The following ADAMTS9 variants were observed in gnomAD, a reference collection of about 807,000 sequenced individuals.
ADAMTS9 encodes the protein ADAM metallopeptidase with thrombospondin type 1 motif 9.
A neutral mutation model predicts 257.1 loss-of-function variants in ADAMTS9; 107 were observed. That is an observed-to-expected ratio of 0.42 (90% CI 0.36 to 0.49). The LOEUF is 0.49. Ranked by LOEUF, ADAMTS9 falls within the 20% of genes least tolerant of loss-of-function variation. The pLI is 0.03. For missense variants in ADAMTS9, 2,353 were observed against 2,469.1 expected, an observed-to-expected ratio of 0.95 and a Z score of 1.00; for synonymous variants, 982 against 880.9, an observed-to-expected ratio of 1.11 and a Z score of -2.03.
intron 30 of ADAMTS9, among the ~76,000 whole-genome samples, chr3:64,553,606 T>C (rs906498844): frequency 1.3e-5 from 2 of 152,156 alleles, no homozygotes; most frequent in Non-Finnish European, 2.9e-5. Flanking sequence ...GTGCCTTTCG[T>C]GAGCTACCCT....
chr3:64,608,086 T>A (rs2084590658), intron 22 of ADAMTS9, among the ~76,000 whole-genome samples: 1 of 150,234 alleles, frequency 6.7e-6, no homozygotes. Flanking sequence ...TAAATTAAAA[T>A]GAAAGCAGAA....
chr3:64,648,793 A>G (rs868371406), intron 10 of ADAMTS9, among the ~76,000 whole-genome samples: 5 of 152,190 alleles, frequency 3.3e-5, no homozygotes, highest in Admixed American at 6.5e-5. Context: ...TTCAATTGCT[A>G]TAAAAGGGAG....
At position 64,641,831 on chromosome 3, in the gene ADAMTS9, T is replaced by TAC; in HGVS notation, c.1856+15_1856+16dup. On this transcript the variant is annotated intron_variant, in intron 12 of 39. Coordinates refer to ENST00000498707, the MANE Select transcript of ADAMTS9 (RefSeq NM_182920.2). ...CCTGCCACGGCAGTAATAACAGTTA[T>TAC]ACATTCTAGGACTTACTCTGGTCTG... 6.2e-7 allele frequency: 1 copy of TAC among 1,613,504 alleles called. No individual in the cohort carries two copies. Among genetic ancestry groups the TAC allele is most frequent in the South Asian group, 1.1e-5 (1 of 90,944 alleles).
intron 2 of ADAMTS9, among the ~76,000 whole-genome samples, chr3:64,681,604 G>A (rs1701758134): frequency 6.6e-6 from 1 of 152,090 alleles, no homozygotes; most frequent in Non-Finnish European, 1.5e-5. Context: ...TTTAGAGATA[G>A]GGTCTTGCTC....
intron 10 of ADAMTS9, 149 bp from the exon 11 acceptor site, chr3:64,648,193 A>G (rs1393216923): frequency 1.4e-6 from 1 of 706,884 alleles, no homozygotes; most frequent in Non-Finnish European, 2.3e-6. Flanking sequence ...AAATGCTAAA[A>G]TATAGACAGC....
At chr3:64,560,762 T>C (rs535126792) in intron 30 of ADAMTS9, among the ~76,000 whole-genome samples, 6 of 152,332 alleles carry the variant, frequency 3.9e-5, no homozygotes, top group African/African-American at 1.4e-4. Flanking sequence ...TGAAAAACTC[T>C]TCATGGTGGG....
rs1358188997 is a variant in ADAMTS9 at position 64,594,396 on chromosome 3, C to T, written c.4218G>A (p.Leu1406=). ...CACCGTTGGACCGCTGACAGACCAC[C>T]AGTCTTGTTCTTATGCCTCCACCAC... The part of the protein sequence containing the change: ...KLCGGGIRTR[L]VVCQRSNGER... Residue 1406 remains leucine, a synonymous_variant, in exon 28 of 40, where the codon CTG becomes CTA. Coordinates refer to ENST00000498707, the MANE Select transcript of ADAMTS9 (RefSeq NM_182920.2). 3 of 1,614,076 alleles carry T rather than the reference C, an allele frequency of 1.9e-6. No homozygotes were observed. Among genetic ancestry groups the T allele is most frequent in the Middle Eastern group, 1.7e-4 (1 of 6,056 alleles).
chr3:64,647,226 T>A (rs1342532767), intron 11 of ADAMTS9, among the ~76,000 whole-genome samples: 1 of 152,096 alleles, frequency 6.6e-6, no homozygotes, highest in Non-Finnish European at 1.5e-5. Context: ...AAGATTTATA[T>A]CTAAAACTTT....
chr3:64,530,622 T>C (rs1044126309), intron 38 of ADAMTS9, among the ~76,000 whole-genome samples: 3 of 151,192 alleles, frequency 2.0e-5, no homozygotes, highest in African/African-American at 7.3e-5. Context: ...GAACAGCCAG[T>C]GTAGTGATCA....
chr3:64,681,249 C>T lies in ADAMTS9; in HGVS notation c.631G>A (p.Ala211Thr), dbSNP rs373729997. The change falls in exon 3 of 40, where the codon GCC becomes ACC. Residue 211 changes from alanine to threonine, a missense_variant. By Grantham distance (58) the Ala-to-Thr change is moderately conservative (BLOSUM62 0). This residue lies in a region of ADAMTS9 where 591 missense variants were observed against 569.6 expected (regional missense o/e 1.04). Coordinates refer to ENST00000498707, the MANE Select transcript of ADAMTS9 (RefSeq NM_182920.2). ...NKPHIIYRRS[A>T]PQREPSTGRH... ...CCTGTTGAGGGCTCTCTCTGGGGGG[C>T]GCTGCGCCTATAAATGATGTGGGGT... The T allele has an allele frequency of 2.0e-5, 33 of 1,613,784 alleles. No individual in the cohort carries two copies. In the African/African-American group the frequency reaches 2.5e-4, roughly 12 times the overall value.
intron 20 of ADAMTS9, among the ~76,000 whole-genome samples, chr3:64,615,751 T>C (rs2084750337): frequency 6.6e-6 from 1 of 152,210 alleles, no homozygotes; most frequent in Admixed American, 6.5e-5. Context: ...GTTCCACTTC[T>C]TCCAAATTTC....
chr3:64,681,200 C>T lies in ADAMTS9; in HGVS notation c.679+1G>A. 1 of 1,611,558 alleles carries T rather than the reference C, an allele frequency of 6.2e-7. No homozygotes were observed. Among genetic ancestry groups the T allele is most frequent in the Non-Finnish European group, 8.5e-7 (1 of 1,179,202 alleles). Reference sequence around the variant, plus strand: ...TCTCCGCTTAAGCAAGAAGCAAATACCTGAGGTGTCACATGCATGCCTTCC... The same window carrying T: ...TCTCCGCTTAAGCAAGAAGCAAATATCTGAGGTGTCACATGCATGCCTTCC... On this transcript the variant is annotated splice_donor_variant, in intron 3 of 39. Transcript: ENST00000498707. LOFTEE classifies it high-confidence loss of function.
At chr3:64,661,759 A>T (rs993641964) in intron 3 of ADAMTS9, among the ~76,000 whole-genome samples, 1 of 152,142 alleles carries the variant, frequency 6.6e-6, no homozygotes, top group Admixed American at 6.6e-5. Flanking sequence ...TGAAAATTAA[A>T]TTTTTTTAAT....
Position 64,517,416 on chromosome 3 carries a change from G to GTTTTTTTTTTT in ADAMTS9, c.*6-306_*6-296dup, listed in dbSNP as rs755480110. Among the ~76,000 whole-genome samples the GTTTTTTTTTTT allele has an allele frequency of 9.0e-3, 473 of 52,618 alleles. 79 individuals are homozygous for GTTTTTTTTTTT. The highest frequency in any genetic ancestry group is 0.023 in the African/African-American group (435 of 18,946). The allele number at this position is 52,618 out of a possible 152,430, so 34.5% of individuals were successfully genotyped here. On this transcript the variant is annotated intron_variant, in intron 39 of 39. Transcript: ENST00000498707. The stretch of plus-strand genomic sequence containing the variant: ...CATCAAGCCCAGCTAATTAAAAATG[G>GTTTTTTTTTTT]TTTTTTTTTTTTTTTTTTTTTTTGC...
chr3:64,583,072 A>G (rs1225473091), intron 28 of ADAMTS9: 1 of 152,224 alleles, frequency 6.6e-6, no homozygotes, highest in African/African-American at 2.4e-5. Flanking sequence ...CATTATGAAC[A>G]TGATGAGGAT....
rs2083126712 is a variant in ADAMTS9 at position 64,541,834 on chromosome 3, T to C, written c.5197+4A>G. On this transcript the variant is annotated splice_donor_region_variant and intron_variant, in intron 33 of 39. Coordinates refer to ENST00000498707, the MANE Select transcript of ADAMTS9 (RefSeq NM_182920.2). Reference sequence around the variant, plus strand: ...AGAAAGATAACTTCAGTTGGCCAACTTACAGTTATAGACATTACGGCAGGT... The same window carrying C: ...AGAAAGATAACTTCAGTTGGCCAACCTACAGTTATAGACATTACGGCAGGT... The C allele has an allele frequency of 4.3e-6, 7 of 1,613,998 alleles. No individual in the cohort carries two copies. Among genetic ancestry groups the C allele is most frequent in the Non-Finnish European group, 5.9e-6 (7 of 1,180,024 alleles).
Position 64,526,256 on chromosome 3 carries a change from T to C in ADAMTS9, c.5719-3996A>G, listed in dbSNP as rs142165479. On this transcript the variant is annotated intron_variant, in intron 38 of 39. Coordinates refer to ENST00000498707, the MANE Select transcript of ADAMTS9 (RefSeq NM_182920.2). ...TTACCGTGATTTGATTATTACACAT[T>C]GTATACACGAATCAAAATATCACTA... Among the ~76,000 whole-genome samples, 954 of 151,918 alleles carry C rather than the reference T, an allele frequency of 6.3e-3. 4 individuals are homozygous for C. The highest frequency in any genetic ancestry group is 0.022 in the African/African-American group (895 of 41,480).
In ADAMTS9 at chr3:64,658,705, C is replaced by T; in HGVS notation, c.766G>A (p.Ala256Thr). 6.2e-7 allele frequency: 1 copy of T among 1,614,154 alleles called. No homozygotes were observed. Among genetic ancestry groups the T allele is most frequent in the Non-Finnish European group, 8.5e-7 (1 of 1,180,026 alleles). The stretch of plus-strand genomic sequence containing the variant: ...TCTGTTGCTAAGCCGCTGTTTAATG[C>T]TGCTACGTCACCAGCCAGGTTAATC... ...ERINLAGDVA[A>T]LNSGLATEAF... is the part of the protein sequence containing the mutation. The change falls in exon 4 of 40, where the codon GCA (alanine) becomes ACA (threonine). Residue 256 changes from alanine to threonine, a missense_variant. Coordinates refer to ENST00000498707, the MANE Select transcript of ADAMTS9 (RefSeq NM_182920.2).
intron 28 of ADAMTS9, among the ~76,000 whole-genome samples, chr3:64,576,624 T>C (rs2083854524): frequency 1.3e-5 from 2 of 152,070 alleles, no homozygotes; most frequent in African/African-American, 4.8e-5. Context: ...CTTATTACCA[T>C]GAAAAGGAGC....
Sources: gnomAD v4.1 joint callset for allele counts (sites outside exome capture counted in the v4.1 genomes callset) on GRCh38, gnomAD v4.1.1 for gene constraint, gnomAD v4.1.1 regional missense constraint, MANE v1.5 for transcripts, NCBI Gene and HGNC (gene_info 2026-07-23, HGNC 2026-07-21) for gene names.